The following CDC42BPB variants were observed in gnomAD, a reference collection of about 807,000 sequenced individuals.
CDC42BPB encodes the protein serine/threonine-protein kinase MRCK beta.
Under a neutral mutation model 214.9 loss-of-function variants are expected in CDC42BPB, and 37 were observed. The ratio of observed to expected loss-of-function variants is 0.17; its 90% CI spans 0.13 to 0.23. CDC42BPB has a LOEUF of 0.23. CDC42BPB is among the 10% of genes least tolerant of loss of function. The probability of loss-of-function intolerance (pLI) is 1.00; values close to 1 mark genes in which losing one functional copy is unlikely to be tolerated. For missense variants in CDC42BPB, 1,694 were observed against 2,227.0 expected (o/e 0.76, Z 4.82); for synonymous variants, 931 against 884.0 (o/e 1.05, Z -0.94).
intron 1 of CDC42BPB, among the ~76,000 whole-genome samples, chr14:103,044,762 C>T (rs1302768967): frequency 6.6e-6 from 1 of 151,808 alleles, no homozygotes; most frequent in Non-Finnish European, 1.5e-5. Context: ...CTTCCCACCT[C>T]GGCCTCCCAA....
At chr14:102,976,522 A>G (rs1444423127) in intron 9 of CDC42BPB, among the ~76,000 whole-genome samples, 2 of 152,210 alleles carry the variant, frequency 1.3e-5, no homozygotes, top group Non-Finnish European at 2.9e-5. Context: ...CCAGCACACT[A>G]AGCCCCTTAC....
chr14:103,030,514 G>T (rs1887307189), intron 1 of CDC42BPB, among the ~76,000 whole-genome samples: 1 of 152,084 alleles, frequency 6.6e-6, no homozygotes, highest in East Asian at 1.9e-4. Flanking sequence ...TGGCCAACAT[G>T]GTGAAACCCC....
chr14:103,008,443 T>G lies in CDC42BPB; in HGVS notation c.351+29A>C, dbSNP rs1885971196. ...ACTTTCTGCTCACCCCAAGCCCCAT[T>G]TGTATGGCTTTTCAAGCTCCATACT... is the stretch of plus-strand genomic sequence containing the variant. On this transcript the variant is annotated intron_variant, in intron 3 of 36. Coordinates refer to ENST00000361246, the MANE Select transcript of CDC42BPB (RefSeq NM_006035.4). 3.4e-6 allele frequency: 5 copies of G among 1,449,710 alleles called. No individual in the cohort carries two copies. In the African/African-American group the frequency reaches 7.0e-5, roughly 20 times the overall value. 89.8% of individuals were successfully genotyped at this position (1,449,710 alleles called of 1,614,324 possible).
At chr14:103,056,876 C>G in intron 1 of CDC42BPB, 123 bp downstream of exon 1, 1 of 611,986 alleles carries the variant, frequency 1.6e-6, no homozygotes, top group Non-Finnish European at 2.4e-6. Context: ...GCGAAGCCCA[C>G]GAGCTGGGTG....
At chr14:102,956,481 C>A (rs1892710157) in intron 21 of CDC42BPB, 1 of 952,558 alleles carries the variant, frequency 1.0e-6, no homozygotes, top group South Asian at 4.9e-5. Flanking sequence ...ACAGACCCAG[C>A]CCCTGATGGA....
chr14:103,003,489 A>G (rs191031091), intron 4 of CDC42BPB, among the ~76,000 whole-genome samples: 1 of 152,328 alleles, frequency 6.6e-6, no homozygotes, highest in East Asian at 1.9e-4. Flanking sequence ...AACCTGTCGA[A>G]AGGGCCTGGG....
intron 36 of CDC42BPB, among the ~76,000 whole-genome samples, chr14:102,934,831 C>A (rs1244780015): frequency 1.3e-5 from 2 of 151,728 alleles, no homozygotes; most frequent in East Asian, 1.9e-4. Flanking sequence ...CACAGTGAAA[C>A]CCTGTCTCTG....
intron 19 of CDC42BPB, 52 bp downstream of exon 19, chr14:102,964,450 G>A (rs1266642721): frequency 1.1e-5 from 17 of 1,598,458 alleles, no homozygotes; most frequent in South Asian, 6.7e-5. Context: ...GGGCGGGCTC[G>A]AGGCCACACA....
At position 102,974,095 on chromosome 14, in the gene CDC42BPB, C is replaced by T. The variant is rs367791222; in HGVS notation, c.1562G>A (p.Arg521His). ...LEDTVALRQE[R>H]EDSTQRLRGL... ...CCGCAGCCGCTGCGTGGAGTCCTCA[C>T]GCTCTTGGCGAAGCGCCACTGTGTC... The change falls in exon 12 of 37, where the codon CGT becomes CAT. Residue 521 changes from arginine to histidine, a missense_variant. Coordinates refer to ENST00000361246, the MANE Select transcript of CDC42BPB (RefSeq NM_006035.4). The T allele has an allele frequency of 7.5e-5, 121 of 1,614,086 alleles. No homozygotes were observed. The highest frequency in any genetic ancestry group is 5.7e-4 in the South Asian group (52 of 91,048).
intron 4 of CDC42BPB, among the ~76,000 whole-genome samples, chr14:103,003,562 A>G (rs1454780738): frequency 1.3e-5 from 2 of 152,262 alleles, no homozygotes; most frequent in Non-Finnish European, 2.9e-5. Flanking sequence ...TCCCGGACTC[A>G]GCCCTAGCTG....
intron 6 of CDC42BPB, among the ~76,000 whole-genome samples, chr14:102,986,068 C>A (rs1235006596): frequency 6.6e-6 from 1 of 152,198 alleles, no homozygotes; most frequent in Non-Finnish European, 1.5e-5. Flanking sequence ...AGAGAGGAAA[C>A]CCCTAGCAGG....
chr14:102,983,435 C>G, intron 7 of CDC42BPB, 121 bp downstream of exon 7: 1 of 1,460,132 alleles, frequency 6.8e-7, no homozygotes, highest in Non-Finnish European at 9.1e-7. Flanking sequence ...GGTCCAAACC[C>G]CGTCACCTCT....
At chr14:103,018,447 G>A (rs35030701) in intron 1 of CDC42BPB, among the ~76,000 whole-genome samples, 2,856 of 152,312 alleles carry the variant, frequency 0.019, 39 homozygotes, top group Non-Finnish European at 0.032. Context: ...ACTGGATACA[G>A]CCACCACCGC....
intron 8 of CDC42BPB, among the ~76,000 whole-genome samples, chr14:102,980,379 G>A (rs1200337593): frequency 1.3e-5 from 2 of 152,102 alleles, no homozygotes; most frequent in East Asian, 1.9e-4. Context: ...TGTAATCTCA[G>A]CTACTCGGGA....
chr14:102,970,232 A>C lies in CDC42BPB; in HGVS notation c.1914T>G (p.Ala638=). The C allele has an allele frequency of 6.2e-7, 1 of 1,613,656 alleles. No homozygotes were observed. Among genetic ancestry groups the C allele is most frequent in the Non-Finnish European group, 8.5e-7 (1 of 1,179,864 alleles). The part of the protein sequence containing the change: ...ELEAQLDDAV[A]EASKERKLRE... Reference sequence around the variant, plus strand: ...GAAGCTTGCGCTCCTTGGAGGCCTCAGCAACAGCATCATCAAGCTGAGCTT... The same window carrying C: ...GAAGCTTGCGCTCCTTGGAGGCCTCCGCAACAGCATCATCAAGCTGAGCTT... Residue 638 remains alanine (A), a synonymous_variant, in exon 14 of 37, where the codon GCT becomes GCG. Transcript: ENST00000361246.
At chr14:103,051,154 C>CGGGGGG (rs1179516926) in intron 1 of CDC42BPB, among the ~76,000 whole-genome samples, 13 of 6,826 alleles carry the variant, frequency 1.9e-3, no homozygotes, top group African/African-American at 3.7e-3. Context: ...GTATTTGGGG[C>CGGGGGG]GGGGGGGCGG....
intron 21 of CDC42BPB, among the ~76,000 whole-genome samples, chr14:102,957,370 C>T (rs1264033179): frequency 6.6e-6 from 1 of 152,122 alleles, no homozygotes; most frequent in Non-Finnish European, 1.5e-5. Context: ...AACTCACTTG[C>T]TACCGGGCCC....
In CDC42BPB at chr14:102,964,537, G is replaced by A. The variant is rs1365717572; in HGVS notation, c.2691C>T (p.Leu897=). ...IRAKQLVQEE[L]RKVKDANLTL... is the part of the protein sequence containing the mutation. ...TGAGGTTGGCGTCCTTGACCTTCCT[G>A]AGCTCCTCCTGGACAAGCTGCTTGG... Residue 897 remains leucine (L), a synonymous_variant, in exon 19 of 37, where the codon CTC becomes CTT. Transcript: ENST00000361246. The A allele has an allele frequency of 4.3e-6, 7 of 1,613,796 alleles. No individual in the cohort carries two copies. Among genetic ancestry groups the A allele is most frequent in the Non-Finnish European group, 5.9e-6 (7 of 1,179,978 alleles).
Position 102,944,200 on chromosome 14 carries a change from A to C in CDC42BPB, c.4099T>G (p.Phe1367Val). The change falls in exon 30 of 37, where the codon TTC becomes GTC. Residue 1367 changes from phenylalanine (F) to valine (V), a missense_variant. Phe to Val is a conservative substitution (Grantham distance 50). This residue lies in a region of CDC42BPB where 567 missense variants were observed against 790.3 expected (regional missense o/e 0.72). Transcript: ENST00000361246. This position sits in a 1 kb window ranked among gnomAD's most constrained non-coding sequence, Gnocchi z 6.6. ...IQRTKPFHRK[F>V]NEIVAPGSVQ... ...CTGCCGGGAGCCACAATCTCATTGAACTTTCTGTGGAATGGCTTCGTTCTC... is the reference window on the plus strand; with the variant it reads ...CTGCCGGGAGCCACAATCTCATTGACCTTTCTGTGGAATGGCTTCGTTCTC... 2 of 1,613,308 alleles carry C rather than the reference A, an allele frequency of 1.2e-6. No individual in the cohort carries two copies. The highest frequency in any genetic ancestry group is 1.7e-6 in the Non-Finnish European group (2 of 1,180,028).
Sources: gnomAD v4.1 joint callset for allele counts (sites outside exome capture counted in the v4.1 genomes callset) on GRCh38, gnomAD v4.1.1 for gene constraint, gnomAD v4.1.1 regional missense constraint, Gnocchi (gnomAD v3.1) non-coding constraint, MANE v1.5 for transcripts, NCBI Gene and HGNC (gene_info 2026-07-23, HGNC 2026-07-21) for gene names.